The following RPH3A variants were observed in gnomAD, a reference collection of about 807,000 sequenced individuals.
RPH3A encodes rabphilin 3A, also known as rabphilin-3A.
A neutral mutation model predicts 102.2 loss-of-function variants in RPH3A; 48 were observed. That is an observed-to-expected ratio of 0.47 (90% CI 0.37 to 0.60). The LOEUF (loss-of-function observed/expected upper bound fraction) is 0.60. Among genes scored for constraint, RPH3A ranks in the 20% least tolerant of loss-of-function variants. RPH3A has a pLI of 0.00. For missense variants in RPH3A, 781 were observed against 910.1 expected (o/e 0.86, Z 1.83); for synonymous variants, 310 against 324.3 (o/e 0.96, Z 0.47).
chr12:112,891,149 G>A (rs1795845896), intron 19 of RPH3A, 146 bp downstream of exon 19: 19 of 859,614 alleles, frequency 2.2e-5, no homozygotes, highest in Non-Finnish European at 1.6e-5. Context: ...TGAAACAAAT[G>A]CCTACAACTG....
chr12:112,822,457 G>A (rs985803201), intron 2 of RPH3A, among the ~76,000 whole-genome samples: 1 of 152,186 alleles, frequency 6.6e-6, no homozygotes, highest in Non-Finnish European at 1.5e-5. Context: ...ACTACAACTA[G>A]CAGAAAACCC....
In RPH3A at chr12:112,791,904, G is replaced by GAGAGAGAGAGAGAGAGAGAGAGAC. The variant is rs1565882517; in HGVS notation, c.-247_-246insGAGAGAGAGAGAGAGAGAGAGACA. 15 of 151,232 alleles carry GAGAGAGAGAGAGAGAGAGAGAGAC rather than the reference G, an allele frequency of 9.9e-5. No individual in the cohort carries two copies. The highest frequency in any genetic ancestry group is 2.1e-4 in the Non-Finnish European group (14 of 67,756). The allele number at this position is 151,232 out of a possible 1,614,324, so 9.4% of individuals were successfully genotyped here. A position where few individuals can be genotyped will look rare whatever the true frequency, so the allele number is the denominator to read the frequency against. ...AGAGAGAGAGAGAGAGAGAGAGAGAGACTCACAGAGCTAAAACCTTCATCC... is the reference window on the plus strand; with the variant it reads ...AGAGAGAGAGAGAGAGAGAGAGAGAGAGAGAGAGAGAGAGAGAGAGAGACACTCACAGAGCTAAAACCTTCATCC... On this transcript the variant is annotated 5_prime_UTR_variant, in exon 1 of 22. Coordinates refer to ENST00000389385, the MANE Select transcript of RPH3A (RefSeq NM_001143854.2).
In RPH3A at chr12:112,757,950, A is replaced by T. The variant is rs181231620; in HGVS notation, c.-139-34193A>T. 2.3e-3 allele frequency among the ~76,000 whole-genome samples: 347 copies of T among 152,220 alleles called. 2 individuals are homozygous for T. Among genetic ancestry groups the T allele is most frequent in the African/African-American group, 8.1e-3 (337 of 41,542 alleles). ...AACAGCTTGTGTTCTCATTGTCTTA[A>T]AGACAATGTTGCCACCATCCTGCTG... On this transcript the variant is annotated intron_variant, in intron 1 of 21. Transcript: ENST00000543106.
At chr12:112,606,806 C>T (rs1751172989) in intron 1 of RPH3A, among the ~76,000 whole-genome samples, 1 of 152,130 alleles carries the variant, frequency 6.6e-6, no homozygotes, top group Non-Finnish European at 1.5e-5. Flanking sequence ...CTCGTGAGAA[C>T]TCACTCAGTA....
chr12:112,603,485 A>G (rs2039572497), intron 1 of RPH3A, among the ~76,000 whole-genome samples: 1 of 152,142 alleles, frequency 6.6e-6, no homozygotes, highest in Admixed American at 6.5e-5. Context: ...TAAGAGGAGG[A>G]ACACACCCAC....
At chr12:112,621,660 T>C (rs931627147) in intron 1 of RPH3A, among the ~76,000 whole-genome samples, 1 of 151,726 alleles carries the variant, frequency 6.6e-6, no homozygotes, top group African/African-American at 2.4e-5. Flanking sequence ...CAGGCTTGCT[T>C]AGGTAAACAA....
chr12:112,796,830 A>T (rs2041241747), intron 2 of RPH3A, among the ~76,000 whole-genome samples: 1 of 152,206 alleles, frequency 6.6e-6, no homozygotes. Context: ...TGGGTGGATT[A>T]CTTGAGGTCA....
intron 1 of RPH3A, among the ~76,000 whole-genome samples, chr12:112,674,394 G>C (rs1330757031): frequency 4.6e-5 from 7 of 152,124 alleles, no homozygotes; most frequent in Admixed American, 2.0e-4. Flanking sequence ...TTCTGGCTTC[G>C]TGTGCCACCC....
chr12:112,818,725 T>C (rs187147974), intron 2 of RPH3A, among the ~76,000 whole-genome samples: 233 of 152,228 alleles, frequency 1.5e-3, no homozygotes, highest in African/African-American at 5.4e-3. Flanking sequence ...CACAGATTGA[T>C]ACTGAGAGAG....
chr12:112,847,186 AC>A (rs1308147034), intron 4 of RPH3A, among the ~76,000 whole-genome samples: 1 of 152,190 alleles, frequency 6.6e-6, no homozygotes, highest in African/African-American at 2.4e-5. Context: ...GGCAAAAAGA[AC>A]ACAAGATAGA....
chr12:112,850,060 G>A (rs1221628791), intron 5 of RPH3A, among the ~76,000 whole-genome samples: 3 of 152,160 alleles, frequency 2.0e-5, no homozygotes, highest in African/African-American at 7.2e-5. Flanking sequence ...CCAACCTGGT[G>A]ACATGGTGGC....
At chr12:112,603,889 C>T (rs533021778) in intron 1 of RPH3A, among the ~76,000 whole-genome samples, 2 of 152,128 alleles carry the variant, frequency 1.3e-5, no homozygotes, top group Non-Finnish European at 2.9e-5. Flanking sequence ...CCCCAGCATA[C>T]TGCCTAGTTG....
intron 1 of RPH3A, among the ~76,000 whole-genome samples, chr12:112,624,350 A>G (rs1239264261): frequency 6.6e-6 from 1 of 150,996 alleles, no homozygotes; most frequent in African/African-American, 2.4e-5. Context: ...TCAAATAGAC[A>G]CAATAAAAAA....
At chr12:112,694,640 GCGCGCA>G (rs1489732701) in intron 1 of RPH3A, among the ~76,000 whole-genome samples, 1 of 134,446 alleles carries the variant, frequency 7.4e-6, no homozygotes, top group Admixed American at 7.3e-5. Flanking sequence ...GCACGCGCGC[GCGCGCA>G]CACGCACACA....
chr12:112,816,665 C>T (rs1282826804), intron 2 of RPH3A, among the ~76,000 whole-genome samples: 5 of 152,138 alleles, frequency 3.3e-5, no homozygotes, highest in Non-Finnish European at 7.3e-5. Flanking sequence ...AACGACGGTA[C>T]TCAACAAATG....
At chr12:112,626,774 G>A (rs2039769675) in intron 1 of RPH3A, among the ~76,000 whole-genome samples, 1 of 59,794 alleles carries the variant, frequency 1.7e-5, no homozygotes, top group African/African-American at 6.8e-5. Context: ...GTTTATTGCA[G>A]CATTATTCAC....
chr12:112,581,227 A>C (rs868763717), intron 1 of RPH3A, among the ~76,000 whole-genome samples: 4 of 152,138 alleles, frequency 2.6e-5, no homozygotes, highest in South Asian at 2.1e-4. Context: ...ATGACTGGGG[A>C]GGCCTCACAA....
chr12:112,695,125 A>G (rs1387303205), intron 1 of RPH3A: 1 of 170,448 alleles, frequency 5.9e-6, no homozygotes, highest in African/African-American at 2.4e-5. Context: ...ATATTCTTAC[A>G]TACACAATTA....
At chr12:112,884,744 C>A (rs528351096) in intron 16 of RPH3A, among the ~76,000 whole-genome samples, 1 of 152,108 alleles carries the variant, frequency 6.6e-6, no homozygotes, top group African/African-American at 2.4e-5. Flanking sequence ...ATTTTTATTG[C>A]GGCATAACAT....
Sources: gnomAD v4.1 joint callset for allele counts (sites outside exome capture counted in the v4.1 genomes callset) on GRCh38, gnomAD v4.1.1 for gene constraint, MANE v1.5 for transcripts, NCBI Gene and HGNC (gene_info 2026-07-23, HGNC 2026-07-21) for gene names.